CAMK4: variants seen among roughly 807,000 people sequenced by gnomAD.
The protein encoded by CAMK4 is calcium/calmodulin-dependent protein kinase type IV.
A neutral mutation model predicts 44.9 loss-of-function variants in CAMK4; 22 were observed. The ratio of observed to expected loss-of-function variants is 0.49; its 90% CI spans 0.35 to 0.70. CAMK4 has a LOEUF of 0.70. CAMK4 is among the 30% of genes least tolerant of loss of function. The pLI, the probability that CAMK4 is intolerant of heterozygous loss-of-function variation, is 0.01. For missense variants in CAMK4, 498 were observed against 586.8 expected (o/e 0.85, Z 1.56); for synonymous variants, 218 against 215.4 (o/e 1.01, Z -0.11).
intron 8 of CAMK4, among the ~76,000 whole-genome samples, chr5:111,477,976 A>G (rs771031884): frequency 3.3e-5 from 5 of 152,212 alleles, no homozygotes; most frequent in East Asian, 1.9e-4. Flanking sequence ...TTGGAAGTCT[A>G]TTCAATCTCT....
At chr5:111,271,179 G>A (rs900773749) in intron 1 of CAMK4, among the ~76,000 whole-genome samples, 5 of 152,186 alleles carry the variant, frequency 3.3e-5, no homozygotes, top group African/African-American at 1.2e-4. Flanking sequence ...TGGGGACACA[G>A]AGCCAAACCA....
chr5:111,292,273 T>A (rs1235404680), intron 1 of CAMK4, among the ~76,000 whole-genome samples: 1 of 152,236 alleles, frequency 6.6e-6, no homozygotes, highest in Non-Finnish European at 1.5e-5. Flanking sequence ...TATATTGTTA[T>A]CATGTTTAAA....
chr5:111,432,887 G>A (rs995570293), intron 5 of CAMK4, among the ~76,000 whole-genome samples: 1 of 151,888 alleles, frequency 6.6e-6, no homozygotes, highest in African/African-American at 2.4e-5. Context: ...ACCATGTCCT[G>A]TGCCTAGATT....
chr5:111,315,820 C>G, intron 1 of CAMK4, among the ~76,000 whole-genome samples: 1 of 152,212 alleles, frequency 6.6e-6, no homozygotes, highest in East Asian at 1.9e-4. Context: ...GTGACAGCTT[C>G]TTCTGCTAGA....
At chr5:111,332,851 A>C (rs452793) in intron 1 of CAMK4, among the ~76,000 whole-genome samples, 75,096 of 151,326 alleles carry the variant, frequency 0.5, 19,364 homozygotes, top group African/African-American at 0.63. Flanking sequence ...AAAAACTTAG[A>C]AGAAAGAATA....
Position 111,394,617 on chromosome 5 carries a change from C to T in CAMK4, c.387-93C>T, listed in dbSNP as rs1190316839. The T allele has an allele frequency of 5.1e-6, 4 of 779,552 alleles. No homozygotes were observed. The African/African-American group carries it at 7.0e-5, about 14-fold the overall frequency. 48.3% of individuals were successfully genotyped at this position (779,552 alleles called of 1,614,324 possible). ...GTAGCTTGTTTCAATTGTTTATGTG[C>T]ACCATCTTTAACATTAATTTACTTA... On this transcript the variant is annotated intron_variant, in intron 4 of 10. Coordinates refer to ENST00000282356, the MANE Select transcript of CAMK4 (RefSeq NM_001744.6).
intron 1 of CAMK4, among the ~76,000 whole-genome samples, chr5:111,312,653 C>A (rs367950664): frequency 3.9e-5 from 6 of 152,104 alleles, no homozygotes; most frequent in South Asian, 4.1e-4. Flanking sequence ...AATGATACTT[C>A]AACCACAAAT....
At chr5:111,470,022 A>G (rs768800023) in intron 7 of CAMK4, among the ~76,000 whole-genome samples, 1 of 152,252 alleles carries the variant, frequency 6.6e-6, no homozygotes, top group Admixed American at 6.5e-5. Context: ...GAAGACCTGC[A>G]TGGAGAAGGA....
chr5:111,400,038 G>T (rs977928442), intron 5 of CAMK4, among the ~76,000 whole-genome samples: 1 of 152,080 alleles, frequency 6.6e-6, no homozygotes, highest in Non-Finnish European at 1.5e-5. Context: ...TAACACAGAA[G>T]GATAAGAGTT....
intron 1 of CAMK4, among the ~76,000 whole-genome samples, chr5:111,261,904 A>G (rs1050646171): frequency 6.6e-6 from 1 of 151,916 alleles, no homozygotes; most frequent in Non-Finnish European, 1.5e-5. Flanking sequence ...ATGCTTAGCC[A>G]TTGTCCAGAG....
At chr5:111,430,485 A>T (rs895865734) in intron 5 of CAMK4, among the ~76,000 whole-genome samples, 1 of 152,226 alleles carries the variant, frequency 6.6e-6, no homozygotes, top group Non-Finnish European at 1.5e-5. Flanking sequence ...AGAGAAAGAT[A>T]TAAAGCGTAT....
intron 2 of CAMK4, among the ~76,000 whole-genome samples, chr5:111,360,169 A>G (rs755444547): frequency 6.6e-6 from 1 of 152,092 alleles, no homozygotes; most frequent in Non-Finnish European, 1.5e-5. Flanking sequence ...CCAGTCAAAG[A>G]TATCTTAGTT....
At chr5:111,463,813 G>A (rs1754726200) in intron 7 of CAMK4, among the ~76,000 whole-genome samples, 1 of 152,194 alleles carries the variant, frequency 6.6e-6, no homozygotes, top group Non-Finnish European at 1.5e-5. Flanking sequence ...CATCAAGGGA[G>A]TATAGTGTGG....
At chr5:111,399,310 C>A (rs536193606) in intron 5 of CAMK4, among the ~76,000 whole-genome samples, 14 of 152,308 alleles carry the variant, frequency 9.2e-5, no homozygotes, top group African/African-American at 3.4e-4. Context: ...TCTTTCAGGT[C>A]TCTGCTGAAG....
chr5:111,267,322 ATATAT>A (rs1750292648), intron 1 of CAMK4, among the ~76,000 whole-genome samples: 1 of 152,176 alleles, frequency 6.6e-6, no homozygotes. Flanking sequence ...CCTATTATGT[ATATAT>A]TATATTAACA....
intron 1 of CAMK4, among the ~76,000 whole-genome samples, chr5:111,295,586 G>A (rs1747448664): frequency 6.6e-6 from 1 of 152,230 alleles, no homozygotes; most frequent in Non-Finnish European, 1.5e-5. Flanking sequence ...TAAGACAAAT[G>A]TGTTTTAGGG....
intron 4 of CAMK4, among the ~76,000 whole-genome samples, chr5:111,390,336 G>A (rs437150): frequency 0.91 from 138,740 of 152,156 alleles, 63,360 homozygotes; most frequent in East Asian, 1. Context: ...GAGGTTTTTT[G>A]ATATATTTTA....
intron 5 of CAMK4, among the ~76,000 whole-genome samples, chr5:111,400,253 G>GA (rs1315333095): frequency 1.3e-5 from 2 of 151,552 alleles, no homozygotes; most frequent in Admixed American, 6.6e-5. Flanking sequence ...TTAACTTAAA[G>GA]AAAAAAAATT....
intron 1 of CAMK4, among the ~76,000 whole-genome samples, chr5:111,249,780 A>G (rs1437361722): frequency 6.6e-6 from 1 of 151,796 alleles, no homozygotes; most frequent in Non-Finnish European, 1.5e-5. Flanking sequence ...GTTTAAGAAT[A>G]TATTCATTGT....
Sources: allele counts gnomAD v4.1 joint callset (sites outside exome capture counted in the v4.1 genomes callset), GRCh38; gene constraint gnomAD v4.1.1; transcripts MANE v1.5; gene names NCBI Gene and HGNC (gene_info 2026-07-23, HGNC 2026-07-21).